The following TBCK variants were observed in gnomAD, a reference collection of about 807,000 sequenced individuals.
TBCK encodes TBC domain-containing protein kinase-like protein.
TBCK carries 99 observed loss-of-function variants against 113.4 expected under a neutral mutation model. The observed-to-expected ratio is 0.87, with a 90% CI of 0.74 to 1.03. The LOEUF (loss-of-function observed/expected upper bound fraction) is 1.03, where lower values mean the gene tolerates loss of function less well. TBCK is among the 50% of genes least tolerant of loss of function. The probability of loss-of-function intolerance (pLI) is 0.00; values close to 1 mark genes in which losing one functional copy is unlikely to be tolerated. For synonymous variants in TBCK, 369 were observed against 370.8 expected, an observed-to-expected ratio of 1.00 and a Z score of 0.05; for missense variants, 1,045 against 1,061.3, an observed-to-expected ratio of 0.98 and a Z score of 0.21.
chr4:106,286,370 C>T (rs72876594), intron 3 of TBCK, among the ~76,000 whole-genome samples: 28,410 of 152,076 alleles, frequency 0.19, 2,673 homozygotes, highest in South Asian at 0.25. Context: ...TTGAAGAAAC[C>T]ACTGATGTTC....
At chr4:106,085,266 G>C (rs1210293331) in intron 25 of TBCK, among the ~76,000 whole-genome samples, 1 of 134,046 alleles carries the variant, frequency 7.5e-6, no homozygotes, top group Non-Finnish European at 1.6e-5. Context: ...CAAGCAAATG[G>C]AAAGAAAAAC....
rs1347079921 is a variant in TBCK at position 106,140,424 on chromosome 4, CAT to C, written c.2236-24048_2236-24047del. Reference sequence around the variant, plus strand: ...GATGATAAATTTATTGGTTAAAACACATGAGGCTACTTTAATTGAAATGGTAA... The same window carrying C: ...GATGATAAATTTATTGGTTAAAACACGAGGCTACTTTAATTGAAATGGTAA... On this transcript the variant is annotated intron_variant, in intron 23 of 25. Transcript: ENST00000394708. 5.0e-5 allele frequency among the ~76,000 whole-genome samples: 7 copies of C among 140,858 alleles called. 1 individual carries two copies. The East Asian group carries it at 1.2e-3, about 24-fold the overall frequency. The allele number at this position is 140,858 out of a possible 152,430, so 92.4% of individuals were successfully genotyped here. A position where few individuals can be genotyped will look rare whatever the true frequency, so the allele number is the denominator to read the frequency against.
At chr4:106,063,075 G>C (rs1014579257) in intron 25 of TBCK, among the ~76,000 whole-genome samples, 1 of 151,930 alleles carries the variant, frequency 6.6e-6, no homozygotes, top group Non-Finnish European at 1.5e-5. Context: ...ATGTAGAAGA[G>C]TTTCCACTGT....
At chr4:106,236,578 T>G in intron 13 of TBCK, 59 bp from the exon 14 acceptor site, 1 of 1,336,726 alleles carries the variant, frequency 7.5e-7, no homozygotes, top group African/African-American at 1.5e-5. Context: ...CAAAATTTTC[T>G]TTTTTTTTCC....
intron 23 of TBCK, among the ~76,000 whole-genome samples, chr4:106,154,766 A>T (rs1748931078): frequency 6.6e-6 from 1 of 152,098 alleles, no homozygotes; most frequent in Non-Finnish European, 1.5e-5. Flanking sequence ...AGTCAATTAA[A>T]TTTCTTTTCT....
intron 1 of TBCK, among the ~76,000 whole-genome samples, chr4:106,314,616 ATTT>A (rs869091052): frequency 0.018 from 1,805 of 101,614 alleles, 14 homozygotes; most frequent in South Asian, 0.089. Context: ...ATACTACTTG[ATTT>A]TTTTTTTTTT....
chr4:106,294,773 G>A (rs1006766974), intron 3 of TBCK, among the ~76,000 whole-genome samples: 3 of 152,014 alleles, frequency 2.0e-5, no homozygotes, highest in Non-Finnish European at 1.5e-5. Flanking sequence ...GAGCCACCAC[G>A]CCTGGCCAGG....
intron 5 of TBCK, among the ~76,000 whole-genome samples, chr4:106,258,292 T>C (rs1229777063): frequency 1.3e-5 from 2 of 152,072 alleles, no homozygotes; most frequent in African/African-American, 4.8e-5. Context: ...ACTGGCCAAC[T>C]GAAATGAATG....
At chr4:106,273,308 A>G (rs532530253) in intron 3 of TBCK, among the ~76,000 whole-genome samples, 3 of 152,362 alleles carry the variant, frequency 2.0e-5, no homozygotes, top group South Asian at 4.1e-4. Flanking sequence ...CCTCACAGCA[A>G]TGACTTTGAA....
intron 3 of TBCK, among the ~76,000 whole-genome samples, chr4:106,277,754 T>C (rs1468264338): frequency 1.3e-5 from 2 of 152,206 alleles, no homozygotes; most frequent in African/African-American, 4.8e-5. Context: ...ATGGTGGTAA[T>C]CTAGTCTTAA....
At chr4:106,214,054 C>G (rs570545910) in intron 19 of TBCK, among the ~76,000 whole-genome samples, 1 of 152,286 alleles carries the variant, frequency 6.6e-6, no homozygotes, top group South Asian at 2.1e-4. Context: ...AAGTGGGTCC[C>G]TGACCCCTGA....
rs187363494 is a variant in TBCK, at chr4:106,246,960, C to T, written c.931+179G>A. On this transcript the variant is annotated intron_variant, in intron 10 of 25. Transcript: ENST00000394708. ...TTGACCTCCCAAAGTGCTGGGATTA[C>T]AGGCATGAGCCACTGCACCCAGCCA... 2.3e-3 allele frequency among the ~76,000 whole-genome samples: 357 copies of T among 152,230 alleles called. 1 individual carries two copies. Among genetic ancestry groups the T allele is most frequent in the African/African-American group, 8.4e-3 (348 of 41,554 alleles).
At chr4:106,247,045 T>C (rs763801466) in intron 10 of TBCK, 94 bp downstream of exon 10, 54 of 1,227,062 alleles carry the variant, frequency 4.4e-5, no homozygotes, top group Non-Finnish European at 5.9e-5. Context: ...CCCACCAATA[T>C]ATATTGTTGA....
intron 25 of TBCK, among the ~76,000 whole-genome samples, chr4:106,080,405 A>AAGT (rs1368201644): frequency 6.6e-6 from 1 of 152,198 alleles, no homozygotes; most frequent in Non-Finnish European, 1.5e-5. Context: ...GACAAAGTCA[A>AAGT]CTATAATACA....
intron 23 of TBCK, among the ~76,000 whole-genome samples, chr4:106,156,401 G>A (rs768120022): frequency 8.5e-5 from 13 of 152,158 alleles, no homozygotes; most frequent in Non-Finnish European, 1.6e-4. Flanking sequence ...GTTCACTCAA[G>A]GTCCTGGGAC....
At chr4:106,144,561 T>G (rs11736518) in intron 23 of TBCK, among the ~76,000 whole-genome samples, 5 of 152,172 alleles carry the variant, frequency 3.3e-5, no homozygotes, top group Non-Finnish European at 5.9e-5. Flanking sequence ...AGGTGTACAA[T>G]AAATGCTGAA....
chr4:106,152,606 G>C (rs1748627176), intron 23 of TBCK, among the ~76,000 whole-genome samples: 1 of 151,936 alleles, frequency 6.6e-6, no homozygotes, highest in Non-Finnish European at 1.5e-5. Flanking sequence ...CATAGAATAA[G>C]TTTGGAAATC....
intron 23 of TBCK, among the ~76,000 whole-genome samples, chr4:106,143,758 T>C (rs553967113): frequency 6.6e-6 from 1 of 151,870 alleles, no homozygotes; most frequent in Admixed American, 6.5e-5. Flanking sequence ...CTACTAAAAA[T>C]ACAAAATTAG....
At chr4:106,243,650 C>T (rs1252453171) in intron 11 of TBCK, among the ~76,000 whole-genome samples, 1 of 151,680 alleles carries the variant, frequency 6.6e-6, no homozygotes, top group East Asian at 1.9e-4. Flanking sequence ...TCTACAGTTG[C>T]CTACAATAAT....
Sources: gnomAD v4.1 joint callset for allele counts (sites outside exome capture counted in the v4.1 genomes callset) on GRCh38, gnomAD v4.1.1 for gene constraint, MANE v1.5 for transcripts, NCBI Gene and HGNC (gene_info 2026-07-23, HGNC 2026-07-21) for gene names.